Variants in NECTIN1 observed in about 807,000 individuals in gnomAD.
NECTIN1 encodes nectin-1.
NECTIN1 carries 23 observed loss-of-function variants against 48.0 expected under a neutral mutation model. The ratio of observed to expected loss-of-function variants is 0.48; its 90% CI spans 0.34 to 0.68. The LOEUF is 0.68. NECTIN1 is among the 30% of genes least tolerant of loss of function. The probability of loss-of-function intolerance (pLI) is 0.01; values close to 1 mark genes in which losing one functional copy is unlikely to be tolerated. For missense variants in NECTIN1, 591 were observed against 709.9 expected (o/e 0.83, Z 1.90); for synonymous variants, 270 against 288.9 (o/e 0.93, Z 0.66).
downstream of NECTIN1, among the ~76,000 whole-genome samples, chr11:119,657,846 A>G (rs1169964607): frequency 6.9e-6 from 1 of 144,130 alleles, no homozygotes; most frequent in African/African-American, 2.6e-5. Flanking sequence ...GCTTGAGCCC[A>G]GGAGGTCGAG....
intron 5 of NECTIN1, among the ~76,000 whole-genome samples, chr11:119,650,485 G>A (rs1326142280): frequency 6.6e-6 from 1 of 152,232 alleles, no homozygotes; most frequent in African/African-American, 2.4e-5. Context: ...CACCCTACCT[G>A]GGGCATTTGC....
intron 1 of NECTIN1, among the ~76,000 whole-genome samples, chr11:119,722,503 G>C (rs891056018): frequency 1.3e-5 from 2 of 152,234 alleles, no homozygotes; most frequent in African/African-American, 4.8e-5. Flanking sequence ...CTATGGCCAC[G>C]GCTAGCCTCC....
At chr11:119,713,219 G>C (rs1404995298) in intron 1 of NECTIN1, among the ~76,000 whole-genome samples, 1 of 152,140 alleles carries the variant, frequency 6.6e-6, no homozygotes, top group African/African-American at 2.4e-5. Context: ...GCTGGGGGAG[G>C]GGGCAGAGGC....
At chr11:119,674,404 A>G in intron 5 of NECTIN1, 3 of 1,517,772 alleles carry the variant, frequency 2.0e-6, no homozygotes, top group Non-Finnish European at 8.8e-7. Flanking sequence ...ATCACGGAAC[A>G]TTGGCCATTT....
In NECTIN1 at chr11:119,672,235, G is replaced by A. The variant is rs1212735727; in HGVS notation, c.1003+2924C>T. Among the ~76,000 whole-genome samples, 1 of 152,184 alleles carries A rather than the reference G, an allele frequency of 6.6e-6. No homozygotes were observed. The highest frequency in any genetic ancestry group is 1.5e-5 in the Non-Finnish European group (1 of 68,010). ...CCTGTCCTGCTCTTGGGAGTGGCGA[G>A]AGGCTGGGTCCCAGCTGGAGAGGCC... is the stretch of plus-strand genomic sequence containing the variant. On this transcript the variant is annotated intron_variant, in intron 5 of 5. Coordinates refer to ENST00000264025, the MANE Select transcript of NECTIN1 (RefSeq NM_002855.5). The surrounding 1 kb of genome is among the most constrained non-coding windows in gnomAD (Gnocchi z 4.3).
intron 1 of NECTIN1, among the ~76,000 whole-genome samples, chr11:119,694,710 G>A (rs1033171297): frequency 6.6e-6 from 1 of 152,196 alleles, no homozygotes; most frequent in African/African-American, 2.4e-5. Context: ...CCTGGAGGAA[G>A]AAATAGGGGA....
At position 119,683,233 on chromosome 11, in the gene NECTIN1, C is replaced by A. The variant is rs1194124301; in HGVS notation, c.80-4468G>T. ...GCAGAGGCTGGCCCAGATGTGGGAA[C>A]TGGGACCACTAAAATGGTAGCATAT... On this transcript the variant is annotated intron_variant, in intron 1 of 5. Transcript: ENST00000264025. This position sits in a 1 kb window ranked among gnomAD's most constrained non-coding sequence, Gnocchi z 4.0. Among the ~76,000 whole-genome samples, 1 of 152,204 alleles carries A rather than the reference C, an allele frequency of 6.6e-6. No individual in the cohort carries two copies. The highest frequency in any genetic ancestry group is 1.5e-5 in the Non-Finnish European group (1 of 68,044).
chr11:119,655,589 G>T (rs1234439641), intron 5 of NECTIN1, among the ~76,000 whole-genome samples: 1 of 152,230 alleles, frequency 6.6e-6, no homozygotes, highest in Non-Finnish European at 1.5e-5. Flanking sequence ...TAAGTGGCCT[G>T]ATGACGATAG....
In NECTIN1 at chr11:119,677,446, G is replaced by A. The variant is rs1407867423; in HGVS notation, c.733+109C>T. 3 of 1,281,188 alleles carry A rather than the reference G, an allele frequency of 2.3e-6. No homozygotes were observed. The highest frequency in any genetic ancestry group is 2.3e-5 in the East Asian group (1 of 42,726). The allele number at this position is 1,281,188 out of a possible 1,614,324, so 79.4% of individuals were successfully genotyped here. A position where few individuals can be genotyped will look rare whatever the true frequency, so the allele number is the denominator to read the frequency against. ...AGGGAGGAGATAGGGGAGACAGGAG[G>A]GGAGAAGAAAGCACCCCCAGAAAGA... On this transcript the variant is annotated intron_variant, in intron 3 of 5. Coordinates refer to ENST00000264025, the MANE Select transcript of NECTIN1 (RefSeq NM_002855.5). The surrounding 1 kb of genome is among the most constrained non-coding windows in gnomAD (Gnocchi z 5.4).
chr11:119,693,200 C>G (rs1409697624), intron 1 of NECTIN1, among the ~76,000 whole-genome samples: 6 of 152,202 alleles, frequency 3.9e-5, no homozygotes, highest in Non-Finnish European at 8.8e-5. Context: ...CAGTCCAAAC[C>G]CTGCCACTCT....
chr11:119,646,724 G>A (rs1024263548), intron 5 of NECTIN1, among the ~76,000 whole-genome samples: 1 of 152,126 alleles, frequency 6.6e-6, no homozygotes, highest in Non-Finnish European at 1.5e-5. Context: ...CCATTTTCAT[G>A]CCCCCCACTG....
chr11:119,700,348 C>T (rs975679396), intron 1 of NECTIN1, among the ~76,000 whole-genome samples: 2 of 152,208 alleles, frequency 1.3e-5, no homozygotes, highest in Admixed American at 6.5e-5. Context: ...ACACCTAGTT[C>T]GTGAAAGGGG....
At chr11:119,638,312 G>A in intron 7 of NECTIN1, 2 of 1,591,962 alleles carry the variant, frequency 1.3e-6, no homozygotes, top group Non-Finnish European at 1.7e-6. Context: ...TGGCCCTCAT[G>A]GACTCCCAGT....
At chr11:119,669,962 C>CTTTT (rs535335352) in intron 5 of NECTIN1, among the ~76,000 whole-genome samples, 1 of 144,384 alleles carries the variant, frequency 6.9e-6, no homozygotes, top group Non-Finnish European at 1.5e-5. Flanking sequence ...AAAATTACTA[C>CTTTT]TTTTTTTTTT....
At chr11:119,639,267 A>C (rs1457068498) in intron 6 of NECTIN1, among the ~76,000 whole-genome samples, 1 of 152,172 alleles carries the variant, frequency 6.6e-6, no homozygotes, top group Non-Finnish European at 1.5e-5. Flanking sequence ...TCCACATTGT[A>C]AGTAAAGACA....
At position 119,662,262 on chromosome 11, in the gene NECTIN1, G is replaced by T; in HGVS notation, c.*2485C>A. On this transcript the variant is annotated 3_prime_UTR_variant, in exon 6 of 6. Transcript: ENST00000264025. The surrounding 1 kb of genome is among the most constrained non-coding windows in gnomAD (Gnocchi z 5.3). ...CCAGCTGGCTGTGTCTGTGGGCCCA[G>T]CAGTAGTGCCCACCTTCCCACAAAC... 1.0e-6 allele frequency: 1 copy of T among 985,656 alleles called. No individual in the cohort carries two copies. Among genetic ancestry groups the T allele is most frequent in the Non-Finnish European group, 1.2e-6 (1 of 829,950 alleles). 61.1% of individuals were successfully genotyped at this position (985,656 alleles called of 1,614,324 possible).
intron 5 of NECTIN1, among the ~76,000 whole-genome samples, chr11:119,670,669 C>T (rs1313697570): frequency 9.7e-6 from 1 of 102,878 alleles, no homozygotes; most frequent in Non-Finnish European, 1.8e-5. Flanking sequence ...TTTTTTGAGA[C>T]AGAGTCTCGC....
rs1864721954 is a variant in NECTIN1 at position 119,664,268 on chromosome 11, G to T, written c.*479C>A. 6 of 995,962 alleles carry T rather than the reference G, an allele frequency of 6.0e-6. No homozygotes were observed. In the South Asian group the frequency reaches 2.7e-4, roughly 45 times the overall value. The allele number at this position is 995,962 out of a possible 1,614,324, so 61.7% of individuals were successfully genotyped here. Reference sequence around the variant, plus strand: ...CAGCTGCATCAGATTTCACTGGTGGGTGTTGGGTTCCCTCTAGCCGGGAGG... The same window carrying T: ...CAGCTGCATCAGATTTCACTGGTGGTTGTTGGGTTCCCTCTAGCCGGGAGG... On this transcript the variant is annotated 3_prime_UTR_variant, in exon 6 of 6. Coordinates refer to ENST00000264025, the MANE Select transcript of NECTIN1 (RefSeq NM_002855.5).
At chr11:119,691,601 G>A (rs1865253648) in intron 1 of NECTIN1, among the ~76,000 whole-genome samples, 1 of 152,226 alleles carries the variant, frequency 6.6e-6, no homozygotes, top group South Asian at 2.1e-4. Context: ...GTGCCCAGAA[G>A]GCTGAAAGGG....
Sources: gnomAD v4.1 joint callset for allele counts (sites outside exome capture counted in the v4.1 genomes callset) on GRCh38, gnomAD v4.1.1 for gene constraint, Gnocchi (gnomAD v3.1) non-coding constraint, MANE v1.5 for transcripts, NCBI Gene and HGNC (gene_info 2026-07-23, HGNC 2026-07-21) for gene names.